The following ABCC11 variants were observed in gnomAD, a reference collection of about 807,000 sequenced individuals.
ABCC11 encodes ATP binding cassette subfamily C member 11.
A neutral mutation model predicts 149.3 loss-of-function variants in ABCC11; 135 were observed. That is an observed-to-expected ratio of 0.90 (90% CI 0.79 to 1.04). The LOEUF (loss-of-function observed/expected upper bound fraction) is 1.04. Among genes scored for constraint, ABCC11 ranks in the 50% least tolerant of loss-of-function variants. The probability of loss-of-function intolerance (pLI) is 0.00; values close to 1 mark genes in which losing one functional copy is unlikely to be tolerated. For missense variants in ABCC11, 1,680 were observed against 1,722.1 expected, an observed-to-expected ratio of 0.98 and a Z score of 0.43; for synonymous variants, 665 against 671.4, an observed-to-expected ratio of 0.99 and a Z score of 0.15.
chr16:48,167,734 C>T, intron 28 of ABCC11, 74 bp from the exon 29 acceptor site: 1 of 1,515,534 alleles, frequency 6.6e-7, no homozygotes, highest in East Asian at 2.3e-5. Context: ...TGGTTTACCA[C>T]TAATTCACCA....
At chr16:48,177,233 G>C in intron 24 of ABCC11, 120 bp from the exon 25 acceptor site, 3 of 991,452 alleles carry the variant, frequency 3.0e-6, no homozygotes, top group Non-Finnish European at 2.9e-6. Context: ...CTTGCGCCAA[G>C]GTCAAGCCCC....
At chr16:48,176,679 T>G (rs903193405) in intron 25 of ABCC11, among the ~76,000 whole-genome samples, 3 of 152,170 alleles carry the variant, frequency 2.0e-5, no homozygotes, top group African/African-American at 4.8e-5. Context: ...CACCACAGCC[T>G]GCAGCTGTCA....
intron 6 of ABCC11, among the ~76,000 whole-genome samples, chr16:48,219,101 A>T (rs1432007928): frequency 6.6e-6 from 1 of 152,130 alleles, no homozygotes; most frequent in East Asian, 1.9e-4. Flanking sequence ...AAAAATACAC[A>T]AACACAAAAT....
chr16:48,193,986 G>A lies in ABCC11; in HGVS notation c.2405-4C>T, dbSNP rs774183241. ...ATTATGCAAGAGACCATGTAACCTGGGAGGGAGACAGTGGTGATGTACAAG... is the reference window on the plus strand; with the variant it reads ...ATTATGCAAGAGACCATGTAACCTGAGAGGGAGACAGTGGTGATGTACAAG... On this transcript the variant is annotated splice_polypyrimidine_tract_variant and splice_region_variant and intron_variant, in intron 18 of 29. Coordinates refer to ENST00000356608, the MANE Select transcript of ABCC11 (RefSeq NM_001370497.1). The A allele has an allele frequency of 2.5e-6, 4 of 1,604,642 alleles. No homozygotes were observed. The highest frequency in any genetic ancestry group is 1.7e-4 in the Middle Eastern group (1 of 6,032).
intron 12 of ABCC11, among the ~76,000 whole-genome samples, chr16:48,206,525 C>A (rs1968465247): frequency 6.6e-6 from 1 of 152,180 alleles, no homozygotes; most frequent in African/African-American, 2.4e-5. Context: ...ATTCTTAATC[C>A]TTTCTCTTTT....
chr16:48,184,567 C>T lies in ABCC11; in HGVS notation c.3131G>A (p.Arg1044Gln), dbSNP rs757178923. ...NYLLLFLSST[R>Q]WMALRLEIMT... The stretch of plus-strand genomic sequence containing the variant: ...GATCTCCAGCCTCAATGCCATCCAT[C>T]GTGTGGAAGATAGAAACAACAGCAG... Residue 1044 changes from arginine to glutamine, a missense_variant, in exon 23 of 30, where the codon CGA (arginine) becomes CAA (glutamine). Transcript: ENST00000356608. The T allele has an allele frequency of 1.5e-5, 25 of 1,614,104 alleles. No homozygotes were observed. The highest frequency in any genetic ancestry group is 2.2e-5 in the South Asian group (2 of 91,088).
chr16:48,236,998 C>T (rs906463526), intron 1 of ABCC11, among the ~76,000 whole-genome samples: 4 of 152,106 alleles, frequency 2.6e-5, no homozygotes, highest in Non-Finnish European at 4.4e-5. Context: ...AGGTCATCAC[C>T]GAGGTCTGAT....
In ABCC11 at chr16:48,167,386, G is replaced by T. The variant is rs371808361; in HGVS notation, c.4057-20C>A. The T allele has an allele frequency of 6.1e-6, 9 of 1,479,396 alleles. No individual in the cohort carries two copies. Among genetic ancestry groups the T allele is most frequent in the African/African-American group, 1.4e-5 (1 of 71,994 alleles). 91.6% of individuals were successfully genotyped at this position (1,479,396 alleles called of 1,614,324 possible). On this transcript the variant is annotated intron_variant, in intron 29 of 29. Transcript: ENST00000356608. ...TACCACCTGGAGGGTAGAGAAAGGC[G>T]AGGGGAGGATCAGGGCACAGCTGAG...
intron 1 of ABCC11, among the ~76,000 whole-genome samples, chr16:48,237,824 C>T (rs1970762716): frequency 6.6e-6 from 1 of 152,162 alleles, no homozygotes; most frequent in African/African-American, 2.4e-5. Context: ...GCTTTTTCTG[C>T]CTACAACAGT....
At chr16:48,205,571 T>G (rs1306480025) in intron 12 of ABCC11, 34 bp from the exon 13 acceptor site, 2 of 1,610,278 alleles carry the variant, frequency 1.2e-6, no homozygotes, top group Non-Finnish European at 1.7e-6. Flanking sequence ...CAGGACCAAT[T>G]GGGCCAAGGG....
At chr16:48,220,328 T>C (rs1051105225) in intron 6 of ABCC11, among the ~76,000 whole-genome samples, 1 of 152,192 alleles carries the variant, frequency 6.6e-6, no homozygotes, top group Non-Finnish European at 1.5e-5. Flanking sequence ...AGTTTCCTCC[T>C]TTGTGACAAT....
chr16:48,191,640 C>A (rs968612909), intron 20 of ABCC11, among the ~76,000 whole-genome samples: 1 of 152,200 alleles, frequency 6.6e-6, no homozygotes, highest in Non-Finnish European at 1.5e-5. Flanking sequence ...AATAAACATA[C>A]GTGTGCATAC....
At chr16:48,205,892 G>T (rs1488772585) in intron 12 of ABCC11, among the ~76,000 whole-genome samples, 1 of 150,730 alleles carries the variant, frequency 6.6e-6, no homozygotes, top group Non-Finnish European at 1.5e-5. Context: ...CTCACTGCAA[G>T]CTCCACCTCC....
intron 26 of ABCC11, among the ~76,000 whole-genome samples, chr16:48,172,826 GT>G (rs1965805331): frequency 6.6e-6 from 1 of 152,152 alleles, no homozygotes; most frequent in African/African-American, 2.4e-5. Flanking sequence ...TAACATCCAG[GT>G]AACTGACATG....
In ABCC11 at chr16:48,166,761, A is replaced by G; in HGVS notation, c.*513T>C. ...ATGCTTGTAATCCTAGCTATTCAGG[A>G]GGCTGAGGCAGGAGAATTGCTTGAA... On this transcript the variant is annotated 3_prime_UTR_variant, in exon 30 of 30. Coordinates refer to ENST00000356608, the MANE Select transcript of ABCC11 (RefSeq NM_001370497.1). 6.5e-6 allele frequency: 1 copy of G among 153,184 alleles called. No homozygotes were observed. Among genetic ancestry groups the G allele is most frequent in the Non-Finnish European group, 1.5e-5 (1 of 68,704 alleles). The allele number at this position is 153,184 out of a possible 1,614,324, so 9.5% of individuals were successfully genotyped here. A position where few individuals can be genotyped will look rare whatever the true frequency, so the allele number is the denominator to read the frequency against.
At chr16:48,203,188 C>A (rs1875691038) in intron 14 of ABCC11, 40 bp downstream of exon 14, 1 of 1,524,948 alleles carries the variant, frequency 6.6e-7, no homozygotes, top group African/African-American at 1.4e-5. Context: ...CATAAGAGCA[C>A]CAACATTACA....
intron 26 of ABCC11, among the ~76,000 whole-genome samples, chr16:48,174,932 G>C (rs1965947865): frequency 6.6e-6 from 1 of 152,172 alleles, no homozygotes; most frequent in African/African-American, 2.4e-5. Context: ...GAGCTCCTGG[G>C]CTCAAGTGAT....
intron 1 of ABCC11, among the ~76,000 whole-genome samples, chr16:48,236,419 T>G (rs1970691039): frequency 6.6e-6 from 1 of 152,174 alleles, no homozygotes; most frequent in African/African-American, 2.4e-5. Flanking sequence ...CTAATCTACT[T>G]CCTTTACTCA....
chr16:48,171,985 A>T (rs1486654305), intron 26 of ABCC11, among the ~76,000 whole-genome samples: 1 of 152,038 alleles, frequency 6.6e-6, no homozygotes, highest in African/African-American at 2.4e-5. Context: ...AACAAAACAA[A>T]ACAAAACTTT....
Sources: allele counts gnomAD v4.1 joint callset (sites outside exome capture counted in the v4.1 genomes callset), GRCh38; gene constraint gnomAD v4.1.1; transcripts MANE v1.5; gene names NCBI Gene and HGNC (gene_info 2026-07-23, HGNC 2026-07-21).